The following MS4A4A variants were observed in gnomAD, a reference collection of about 807,000 sequenced individuals.
MS4A4A encodes the protein membrane spanning 4-domains A4A, also known as membrane-spanning 4-domains subfamily A member 4A.
Under a neutral mutation model 28.0 loss-of-function variants are expected in MS4A4A, and 26 were observed. The observed-to-expected ratio is 0.93, with a 90% CI of 0.68 to 1.29. The LOEUF (loss-of-function observed/expected upper bound fraction) is 1.29. Ranked by LOEUF, MS4A4A falls within the 50% of genes most tolerant of loss-of-function variation. The pLI, the probability that MS4A4A is intolerant of heterozygous loss-of-function variation, is 0.00. For missense variants in MS4A4A, 290 were observed against 293.1 expected (o/e 0.99, Z 0.08); for synonymous variants, 86 against 100.8 (o/e 0.85, Z 0.88).
At chr11:60,287,921 T>A (rs145416467) in intron 1 of MS4A4A, among the ~76,000 whole-genome samples, 184 of 152,370 alleles carry the variant, frequency 1.2e-3, no homozygotes, top group Non-Finnish European at 1.5e-3. Flanking sequence ...ATAATTTCCT[T>A]TGATTCTATG....
chr11:60,306,088 GT>G lies in MS4A4A; in HGVS notation c.547-8del, dbSNP rs1211866080. The G allele has an allele frequency of 1.3e-6, 2 of 1,587,082 alleles. No homozygotes were observed. Among genetic ancestry groups the G allele is most frequent in the African/African-American group, 2.7e-5 (2 of 74,056 alleles). On this transcript the variant is annotated splice_polypyrimidine_tract_variant and intron_variant, in intron 5 of 6. Coordinates refer to ENST00000337908, the MANE Select transcript of MS4A4A (RefSeq NM_148975.3). ...CATTTCTCACATTCCTTTGTTATGA[GT>G]TTTCTCCTAGGGTCTGGATGGCATG...
intron 1 of MS4A4A, among the ~76,000 whole-genome samples, chr11:60,290,530 A>G (rs2084845795): frequency 6.6e-6 from 1 of 152,036 alleles, no homozygotes; most frequent in African/African-American, 2.4e-5. Flanking sequence ...TTACATTCTT[A>G]TATATAATTC....
At chr11:60,301,577 G>GT (rs1440569139) in intron 4 of MS4A4A, among the ~76,000 whole-genome samples, 3 of 152,136 alleles carry the variant, frequency 2.0e-5, no homozygotes, top group South Asian at 2.1e-4. Context: ...CTGAATAAAT[G>GT]TTTTTTTCTA....
chr11:60,292,766 A>T (rs576200010), intron 2 of MS4A4A, among the ~76,000 whole-genome samples: 1 of 152,256 alleles, frequency 6.6e-6, no homozygotes, highest in Non-Finnish European at 1.5e-5. Flanking sequence ...ACCTTTTCTT[A>T]GCCCCCTGCT....
chr11:60,297,888 C>CA (rs1279562119), intron 3 of MS4A4A, among the ~76,000 whole-genome samples: 1 of 152,048 alleles, frequency 6.6e-6, no homozygotes, highest in African/African-American at 2.4e-5. Flanking sequence ...GTTTAGTTAG[C>CA]AAGGAAGAAG....
intron 1 of MS4A4A, among the ~76,000 whole-genome samples, chr11:60,281,024 C>T (rs566194987): frequency 6.6e-6 from 1 of 152,328 alleles, no homozygotes; most frequent in African/African-American, 2.4e-5. Flanking sequence ...CTGAAAGCAA[C>T]ATTTTAAACC....
chr11:60,308,487 G>A lies in MS4A4A; in HGVS notation c.*309G>A, dbSNP rs2085026961. On this transcript the variant is annotated 3_prime_UTR_variant, in exon 7 of 7. Coordinates refer to ENST00000337908, the MANE Select transcript of MS4A4A (RefSeq NM_148975.3). ...CTTGAAAGTTTTTCATTCATCATAA[G>A]AACTTTATATAAAGGCATTACATTG... 1 of 282,298 alleles carries A rather than the reference G, an allele frequency of 3.5e-6. No homozygotes were observed. The highest frequency in any genetic ancestry group is 5.0e-5 in the Admixed American group (1 of 19,862). 17.5% of individuals were successfully genotyped at this position (282,298 alleles called of 1,614,324 possible).
chr11:60,289,585 G>A (rs2084834083), intron 1 of MS4A4A, among the ~76,000 whole-genome samples: 1 of 95,904 alleles, frequency 1.0e-5, no homozygotes, highest in African/African-American at 4.4e-5. Context: ...GTGTGTGTGT[G>A]TGTGTGTGTA....
chr11:60,281,820 A>C (rs1345984282), intron 1 of MS4A4A, among the ~76,000 whole-genome samples: 1 of 152,150 alleles, frequency 6.6e-6, no homozygotes, highest in Admixed American at 6.6e-5. Context: ...AAGACATTGT[A>C]TTTCTTAAGA....
At chr11:60,299,584 T>C (rs1590759192) in intron 3 of MS4A4A, among the ~76,000 whole-genome samples, 2 of 151,768 alleles carry the variant, frequency 1.3e-5, no homozygotes, top group East Asian at 3.9e-4. Context: ...ACCATTCTCC[T>C]GCCTCAGCCT....
chr11:60,296,402 A>G (rs1314537645), intron 2 of MS4A4A, among the ~76,000 whole-genome samples: 2 of 151,896 alleles, frequency 1.3e-5, no homozygotes, highest in African/African-American at 4.8e-5. Context: ...TTATACATAC[A>G]TATATTTTTA....
chr11:60,295,901 T>G (rs573448405), intron 2 of MS4A4A, among the ~76,000 whole-genome samples: 43 of 152,252 alleles, frequency 2.8e-4, no homozygotes, highest in Non-Finnish European at 5.3e-4. Flanking sequence ...GATATTTTGT[T>G]GAGGATTTTT....
rs1469013056 is a variant in MS4A4A at position 60,308,967 on chromosome 11, G to A, written c.*789G>A. The A allele has an allele frequency of 1.3e-5, 2 of 152,172 alleles. No homozygotes were observed. The highest frequency in any genetic ancestry group is 4.8e-5 in the African/African-American group (2 of 41,418). The allele number at this position is 152,172 out of a possible 1,614,324, so 9.4% of individuals were successfully genotyped here. A position where few individuals can be genotyped will look rare whatever the true frequency, so the allele number is the denominator to read the frequency against. ...AGAGCAAAAATAAATCAAATTAGAA[G>A]CAATACTTTCATGTGCTACCTACTT... On this transcript the variant is annotated 3_prime_UTR_variant, in exon 7 of 7. Coordinates refer to ENST00000337908, the MANE Select transcript of MS4A4A (RefSeq NM_148975.3).
chr11:60,298,220 T>C (rs577877993), intron 3 of MS4A4A, among the ~76,000 whole-genome samples: 55 of 152,208 alleles, frequency 3.6e-4, no homozygotes, highest in African/African-American at 1.3e-3. Flanking sequence ...ATTTATAAGT[T>C]GGGTTTATGT....
intron 4 of MS4A4A, among the ~76,000 whole-genome samples, chr11:60,301,376 C>A (rs1348596449): frequency 6.6e-6 from 1 of 152,098 alleles, no homozygotes; most frequent in African/African-American, 2.4e-5. Flanking sequence ...GATAGTGACA[C>A]CAAGCATTGG....
intron 3 of MS4A4A, 106 bp downstream of exon 3, chr11:60,297,431 G>A: frequency 7.7e-7 from 1 of 1,305,022 alleles, no homozygotes; most frequent in East Asian, 2.4e-5. Context: ...CTGTAAATCT[G>A]AGAGTGGTAT....
intron 2 of MS4A4A, 49 bp from the exon 3 acceptor site, chr11:60,297,148 A>G (rs1467667169): frequency 6.2e-7 from 1 of 1,608,068 alleles, no homozygotes; most frequent in East Asian, 2.2e-5. Context: ...TGGCGGAAGC[A>G]CCATTTTTGT....
intron 2 of MS4A4A, among the ~76,000 whole-genome samples, chr11:60,294,950 C>CTTCTTCTTCTTCTTCT (rs1565145993): frequency 1.4e-5 from 2 of 139,898 alleles, no homozygotes; most frequent in East Asian, 4.1e-4. Flanking sequence ...TCTTCTTCTT[C>CTTCTTCTTCTTCTTCT]TAGATTGTGT....
chr11:60,306,308 G>C (rs2085000993), intron 6 of MS4A4A, 107 bp downstream of exon 6: 2 of 924,990 alleles, frequency 2.2e-6, no homozygotes, highest in Admixed American at 4.4e-5. Flanking sequence ...TTATCTCTCA[G>C]TTTCCATGGT....
Sources: gnomAD v4.1 joint callset for allele counts (sites outside exome capture counted in the v4.1 genomes callset) on GRCh38, gnomAD v4.1.1 for gene constraint, MANE v1.5 for transcripts, NCBI Gene and HGNC (gene_info 2026-07-23, HGNC 2026-07-21) for gene names.